Variants in IL1RAP observed in about 807,000 individuals in gnomAD.
IL1RAP encodes the protein interleukin-1 receptor accessory protein.
In IL1RAP, 35 loss-of-function variants were observed where a neutral mutation model predicts 60.7. The ratio of observed to expected loss-of-function variants is 0.58; its 90% CI spans 0.44 to 0.76. IL1RAP has a LOEUF of 0.76. Among genes scored for constraint, IL1RAP ranks in the 30% least tolerant of loss-of-function variants. The pLI, the probability that IL1RAP is intolerant of heterozygous loss-of-function variation, is 0.00. For missense variants in IL1RAP, 572 were observed against 693.9 expected (o/e 0.82, Z 1.97); for synonymous variants, 268 against 250.9 (o/e 1.07, Z -0.64).
At chr3:190,521,624 C>T (rs1272571228) in intron 1 of IL1RAP, among the ~76,000 whole-genome samples, 1 of 152,000 alleles carries the variant, frequency 6.6e-6, no homozygotes, top group Non-Finnish European at 1.5e-5. Context: ...GGAGGTATCT[C>T]ATTGGCCTCG....
At chr3:190,571,757 C>T (rs909988856) in intron 3 of IL1RAP, among the ~76,000 whole-genome samples, 5 of 152,154 alleles carry the variant, frequency 3.3e-5, no homozygotes, top group Non-Finnish European at 5.9e-5. Flanking sequence ...ACCCGTGGCC[C>T]GCGGGCCACA....
chr3:190,525,393 A>G (rs1456211990), intron 1 of IL1RAP, among the ~76,000 whole-genome samples: 3 of 152,184 alleles, frequency 2.0e-5, no homozygotes, highest in African/African-American at 7.2e-5. Context: ...AGAGACAGTG[A>G]AGAGCTGGAA....
intron 9 of IL1RAP, among the ~76,000 whole-genome samples, chr3:190,642,850 T>C (rs560729025): frequency 3.5e-4 from 53 of 152,310 alleles, no homozygotes; most frequent in African/African-American, 1.2e-3. Flanking sequence ...AATAATCAAA[T>C]TGACTAATAC....
At chr3:190,532,419 C>T (rs1167425894) in intron 1 of IL1RAP, among the ~76,000 whole-genome samples, 2 of 151,994 alleles carry the variant, frequency 1.3e-5, no homozygotes, top group African/African-American at 2.4e-5. Flanking sequence ...CCCGCCACCA[C>T]GCCCTGCTAA....
downstream of IL1RAP, among the ~76,000 whole-genome samples, chr3:190,653,813 C>T (rs1411366180): frequency 1.3e-5 from 2 of 152,148 alleles, no homozygotes; most frequent in African/African-American, 4.8e-5. Context: ...AAAATAATAG[C>T]TCCTGTCCTC....
rs1302508698 is a variant in IL1RAP, at chr3:190,645,752, G to T, written c.1255G>T (p.Glu419Ter). 3 of 1,613,024 alleles carry T rather than the reference G, an allele frequency of 1.9e-6. No individual in the cohort carries two copies. The highest frequency in any genetic ancestry group is 2.5e-6 in the Non-Finnish European group (3 of 1,179,060). The change falls in exon 11 of 12, where the codon GAA becomes TAA. Residue 419 changes from glutamate (E) to a stop codon, truncating the protein, a stop_gained. Coordinates refer to ENST00000447382, the MANE Select transcript of IL1RAP (RefSeq NM_002182.4). LOFTEE classifies it high-confidence loss of function. ...VSYARNAEEE[E>*]FVLLTLRGVL... is the part of the protein sequence containing the mutation. Reference sequence around the variant, plus strand: ...CTATGCAAGGAATGCGGAAGAAGAAGAATTTGTATTACTGACCCTCCGTGG... The same window carrying T: ...CTATGCAAGGAATGCGGAAGAAGAATAATTTGTATTACTGACCCTCCGTGG...
At chr3:190,624,595 A>G (rs1295356925) in intron 7 of IL1RAP, 1 of 154,846 alleles carries the variant, frequency 6.5e-6, no homozygotes, top group Non-Finnish European at 1.4e-5. Flanking sequence ...AATGGGTGAA[A>G]GCAACGGAGA....
intron 5 of IL1RAP, among the ~76,000 whole-genome samples, chr3:190,609,915 A>G (rs78055055): frequency 0.019 from 2,828 of 152,314 alleles, 47 homozygotes; most frequent in Non-Finnish European, 0.028. Flanking sequence ...GAGAACGCCA[A>G]AAGAGCCAAC....
At chr3:190,578,975 G>A (rs555284133) in intron 3 of IL1RAP, among the ~76,000 whole-genome samples, 1 of 152,280 alleles carries the variant, frequency 6.6e-6, no homozygotes, top group South Asian at 2.1e-4. Flanking sequence ...AATTCAAGAT[G>A]ATATTTGGGT....
At chr3:190,552,590 A>G (rs1724956116) in intron 1 of IL1RAP, among the ~76,000 whole-genome samples, 2 of 152,142 alleles carry the variant, frequency 1.3e-5, no homozygotes, top group South Asian at 2.1e-4. Context: ...AGGACAATTA[A>G]TTAGAGCTTT....
chr3:190,599,166 G>A lies in IL1RAP; in HGVS notation c.65-4962G>A, dbSNP rs144401926. Among the ~76,000 whole-genome samples, 489 of 152,106 alleles carry A rather than the reference G, an allele frequency of 3.2e-3. 3 individuals carry two copies. Among genetic ancestry groups the A allele is most frequent in the African/African-American group, 0.011 (470 of 41,500 alleles). On this transcript the variant is annotated intron_variant, in intron 3 of 11. Coordinates refer to ENST00000447382, the MANE Select transcript of IL1RAP (RefSeq NM_002182.4). Reference sequence around the variant, plus strand: ...TGCATAAATTTTATCCTTGGGTCTCGTTCACTGTCATTCTGAGGATCCCTT... The same window carrying A: ...TGCATAAATTTTATCCTTGGGTCTCATTCACTGTCATTCTGAGGATCCCTT...
At position 190,625,056 on chromosome 3, in the gene IL1RAP, A is replaced by T. The variant is rs148370882; in HGVS notation, c.775+1641A>T. The T allele has an allele frequency of 7.2e-4, 111 of 154,956 alleles. 1 individual carries two copies. The East Asian group carries it at 0.015, about 21-fold the overall frequency. The allele number at this position is 154,956 out of a possible 1,614,324, so 9.6% of individuals were successfully genotyped here. A position where few individuals can be genotyped will look rare whatever the true frequency, so the allele number is the denominator to read the frequency against. ...TTGAACTGGGTTGTGCACAAGCACC[A>T]TTGGTTTGCCAATAAGTTTAACCTG... On this transcript the variant is annotated intron_variant, in intron 7 of 11. Transcript: ENST00000447382.
chr3:190,527,477 A>C (rs1722605373), intron 1 of IL1RAP, among the ~76,000 whole-genome samples: 1 of 152,132 alleles, frequency 6.6e-6, no homozygotes, highest in South Asian at 2.1e-4. Flanking sequence ...GCGTTGCAAC[A>C]CCTCTGGAGT....
Position 190,627,635 on chromosome 3 carries a change from A to T in IL1RAP, c.902+186A>T, listed in dbSNP as rs374413648. ...GGTTACTGGGCTAGCAATGCAAGGAATAGATGCTGCCTGATGACCAGTGGA... is the reference window on the plus strand; with the variant it reads ...GGTTACTGGGCTAGCAATGCAAGGATTAGATGCTGCCTGATGACCAGTGGA... On this transcript the variant is annotated intron_variant, in intron 8 of 11. Transcript: ENST00000447382. 1.6e-4 allele frequency among the ~76,000 whole-genome samples: 25 copies of T among 152,338 alleles called. No individual in the cohort carries two copies. In the East Asian group the frequency reaches 4.4e-3, roughly 27 times the overall value.
chr3:190,623,885 GTTC>G (rs1449358976), intron 7 of IL1RAP, among the ~76,000 whole-genome samples: 1 of 152,146 alleles, frequency 6.6e-6, no homozygotes, highest in East Asian at 1.9e-4. Flanking sequence ...TGGCTCTTCG[GTTC>G]TTCTTTTAGT....
downstream of IL1RAP, among the ~76,000 whole-genome samples, chr3:190,654,455 G>A (rs1455152517): frequency 8.6e-5 from 13 of 151,656 alleles, no homozygotes; most frequent in Admixed American, 8.5e-4. Flanking sequence ...AATGATAAAC[G>A]AGAATTTAAA....
chr3:190,630,058 T>C (rs1732651699), intron 9 of IL1RAP: 1 of 791,544 alleles, frequency 1.3e-6, no homozygotes, highest in South Asian at 5.8e-5. Context: ...CTAATTAAGG[T>C]ATTGAATGTT....
Position 190,637,215 on chromosome 3 carries a change from T to A in IL1RAP, c.1052-7033T>A, listed in dbSNP as rs145111864. Among the ~76,000 whole-genome samples the A allele has an allele frequency of 6.8e-4, 103 of 152,286 alleles. 1 individual carries two copies. The East Asian group carries it at 0.016, about 23-fold the overall frequency. On this transcript the variant is annotated intron_variant, in intron 9 of 11. Coordinates refer to ENST00000447382, the MANE Select transcript of IL1RAP (RefSeq NM_002182.4). ...TCTTTTTTTAAATTTATTTGCTTAT[T>A]TTTTATTTCTGACACTATCCATTCT...
At chr3:190,553,782 C>T (rs1221471953) in intron 1 of IL1RAP, among the ~76,000 whole-genome samples, 1 of 152,052 alleles carries the variant, frequency 6.6e-6, no homozygotes, top group Non-Finnish European at 1.5e-5. Context: ...AGGGAAAGGC[C>T]GGGCGCGGTG....
Sources: allele counts gnomAD v4.1 joint callset (sites outside exome capture counted in the v4.1 genomes callset), GRCh38; gene constraint gnomAD v4.1.1; transcripts MANE v1.5; gene names NCBI Gene and HGNC (gene_info 2026-07-23, HGNC 2026-07-21).